PLXNB1: variants seen among roughly 807,000 people sequenced by gnomAD.
The protein encoded by PLXNB1 is plexin-B1.
A neutral mutation model predicts 209.4 loss-of-function variants in PLXNB1; 106 were observed. The ratio of observed to expected loss-of-function variants is 0.51; its 90% CI spans 0.43 to 0.59. The LOEUF (loss-of-function observed/expected upper bound fraction) is 0.59, where lower values mean the gene tolerates loss of function less well. Ranked by LOEUF, PLXNB1 falls within the 20% of genes least tolerant of loss-of-function variation. The probability of loss-of-function intolerance (pLI) is 0.00; values close to 1 mark genes in which losing one functional copy is unlikely to be tolerated. For synonymous variants in PLXNB1, 1,167 were observed against 1,183.2 expected (o/e 0.99, Z 0.28); for missense variants, 2,357 against 2,853.2 (o/e 0.83, Z 3.96).
Position 48,412,745 on chromosome 3 carries a change from G to C in PLXNB1, c.4851C>G (p.Thr1617=). ...SNLLNSKLFL[T]KFIHTLESQR... is the part of the protein sequence containing the mutation. ...AGGAAGATGCAGCTGGGGGTACCTTGGTGAGGAAGAGCTTGCTGTTGAGCA... is the reference window on the plus strand; with the variant it reads ...AGGAAGATGCAGCTGGGGGTACCTTCGTGAGGAAGAGCTTGCTGTTGAGCA... The change falls in exon 25 of 38, where the codon ACC becomes ACG. Residue 1617 remains threonine, a synonymous_variant. Coordinates refer to ENST00000296440, the MANE Select transcript of PLXNB1 (RefSeq NM_001130082.3). 6.2e-7 allele frequency: 1 copy of C among 1,611,992 alleles called. No homozygotes were observed. The highest frequency in any genetic ancestry group is 8.5e-7 in the Non-Finnish European group (1 of 1,178,862).
intron 21 of PLXNB1, 30 bp from the exon 22 acceptor site, chr3:48,414,101 C>CAGG: frequency 6.2e-7 from 1 of 1,609,136 alleles, no homozygotes; most frequent in Non-Finnish European, 8.5e-7. Context: ...ATCAGTCACT[C>CAGG]AGGACCCTTC....
At position 48,419,420 on chromosome 3, in the gene PLXNB1, C is replaced by T; in HGVS notation, c.2710-54G>A. 1.3e-6 allele frequency: 2 copies of T among 1,520,954 alleles called. No individual in the cohort carries two copies. Among genetic ancestry groups the T allele is most frequent in the Admixed American group, 4.2e-5 (2 of 47,572 alleles). The allele number at this position is 1,520,954 out of a possible 1,614,324, so 94.2% of individuals were successfully genotyped here. A position where few individuals can be genotyped will look rare whatever the true frequency, so the allele number is the denominator to read the frequency against. ...TGGAGCCCACCCTGCCCAGCTCAGC[C>T]CTCTGCCTTGCCAGATTCCAGAGGC... On this transcript the variant is annotated intron_variant, in intron 11 of 37. Transcript: ENST00000296440. This position sits in a 1 kb window ranked among gnomAD's most constrained non-coding sequence, Gnocchi z 5.7.
chr3:48,412,890 T>C lies in PLXNB1; in HGVS notation c.4706A>G (p.Lys1569Arg), dbSNP rs1315531880. ...LGSGIPFLDY[K>R]VYAERIFFPG... Reference sequence around the variant, plus strand: ...GAAGAAGATCCTCTCCGCATACACCTTGTAGTCGAGGAAGGGGATGCCGCT... The same window carrying C: ...GAAGAAGATCCTCTCCGCATACACCCTGTAGTCGAGGAAGGGGATGCCGCT... The change falls in exon 25 of 38, where the codon AAG becomes AGG. Residue 1569 changes from lysine to arginine, a missense_variant. This residue lies in a region of PLXNB1 where 743 missense variants were observed against 896.2 expected (regional missense o/e 0.83). Coordinates refer to ENST00000296440, the MANE Select transcript of PLXNB1 (RefSeq NM_001130082.3). The C allele has an allele frequency of 3.1e-6, 5 of 1,613,892 alleles. No individual in the cohort carries two copies. In the East Asian group the frequency reaches 1.1e-4, roughly 36 times the overall value.
At chr3:48,426,807 G>A (rs2038919223) in intron 1 of PLXNB1, among the ~76,000 whole-genome samples, 1 of 152,218 alleles carries the variant, frequency 6.6e-6, no homozygotes, top group Admixed American at 6.5e-5. Context: ...AGCAGGGAAA[G>A]TCTCGAACCC....
At position 48,407,042 on chromosome 3, in the gene PLXNB1, T is replaced by A. The variant is rs2037357680; in HGVS notation, c.6137A>T (p.Lys2046Met). The part of the protein sequence containing the change: ...LLYARDIPRY[K>M]RMVERYYADI... ...CCTCCAGTACCTTTCCACCATCCGC[T>A]TGTACCGGGGAATGTCCCGTGCATA... The change falls in exon 35 of 38, where the codon AAG becomes ATG. Residue 2046 changes from lysine to methionine, a missense_variant. Around this residue, in one of 7 missense-constraint regions of PLXNB1, gnomAD observed 414 missense variants for 520.5 expected, o/e 0.80. Transcript: ENST00000296440. The A allele has an allele frequency of 6.2e-7, 1 of 1,613,898 alleles. No individual in the cohort carries two copies.
At position 48,419,634 on chromosome 3, in the gene PLXNB1, G is replaced by C. The variant is rs746347488; in HGVS notation, c.2652C>G (p.Pro884=). The change falls in exon 11 of 38, where the codon CCC becomes CCG. Residue 884 remains proline, a synonymous_variant. Coordinates refer to ENST00000296440, the MANE Select transcript of PLXNB1 (RefSeq NM_001130082.3). The surrounding 1 kb of genome is among the most constrained non-coding windows in gnomAD (Gnocchi z 5.7). ...AGTCGAGGCTGGACGGGAGGATGAGGGGGGCGGGAGGGCCCTCAAGCTCTG... is the reference window on the plus strand; with the variant it reads ...AGTCGAGGCTGGACGGGAGGATGAGCGGGGCGGGAGGGCCCTCAAGCTCTG... ...DSAELEGPPA[P]LILPSSLDYQ... 11 of 1,612,522 alleles carry C rather than the reference G, an allele frequency of 6.8e-6. No homozygotes were observed. The Middle Eastern group carries it at 9.9e-4, about 145-fold the overall frequency.
rs917724568 is a variant in PLXNB1 at position 48,408,568 on chromosome 3, C to T, written c.6087+761G>A. Among the ~76,000 whole-genome samples the T allele has an allele frequency of 2.6e-5, 4 of 152,166 alleles. No individual in the cohort carries two copies. In the East Asian group the frequency reaches 7.7e-4, roughly 29 times the overall value. Reference sequence around the variant, plus strand: ...TCCAACTACTCAGTCTCCTGTGCTTCCCAGCTCCCCTCCTCACACATCCCT... The same window carrying T: ...TCCAACTACTCAGTCTCCTGTGCTTTCCAGCTCCCCTCCTCACACATCCCT... On this transcript the variant is annotated intron_variant, in intron 34 of 37. Coordinates refer to ENST00000296440, the MANE Select transcript of PLXNB1 (RefSeq NM_001130082.3).
At chr3:48,420,517 G>A in intron 10 of PLXNB1, 148 bp downstream of exon 10, 1 of 687,998 alleles carries the variant, frequency 1.5e-6, no homozygotes, top group Non-Finnish European at 2.5e-6. Flanking sequence ...TGTATCGGCG[G>A]CTGTTCTCCA....
At position 48,415,269 on chromosome 3, in the gene PLXNB1, C is replaced by G. The variant is rs751530688; in HGVS notation, c.3873G>C (p.Ser1291=). The stretch of plus-strand genomic sequence containing the variant: ...GCCCCTGGCTGGGCTGCAGCATTCT[C>G]GAGACCACGGTCACCCGGATTCTTG... ...QTPRIRVTVV[S]RMLQPSQGLG... is the part of the protein sequence containing the mutation. The change falls in exon 20 of 38, where the codon TCG becomes TCC. Residue 1291 remains serine (S), a synonymous_variant. Transcript: ENST00000296440. The surrounding 1 kb of genome is among the most constrained non-coding windows in gnomAD (Gnocchi z 5.0). 1 of 1,613,590 alleles carries G rather than the reference C, an allele frequency of 6.2e-7. No individual in the cohort carries two copies. Among genetic ancestry groups the G allele is most frequent in the South Asian group, 1.1e-5 (1 of 91,078 alleles).
At chr3:48,414,253 C>T (rs2037914193) in intron 21 of PLXNB1, among the ~76,000 whole-genome samples, 182 bp from the exon 22 acceptor site, 1 of 152,204 alleles carries the variant, frequency 6.6e-6, no homozygotes, top group Non-Finnish European at 1.5e-5. Flanking sequence ...CCCTTTGTTG[C>T]CCTTTCCTAT....
In PLXNB1 at chr3:48,420,207, G is replaced by T; in HGVS notation, c.2079C>A (p.Ser693=). 1.3e-6 allele frequency: 2 copies of T among 1,558,002 alleles called. No homozygotes were observed. Among genetic ancestry groups the T allele is most frequent in the Non-Finnish European group, 1.7e-6 (2 of 1,150,750 alleles). Residue 693 remains serine (S), a synonymous_variant, in exon 11 of 38, where the codon TCC becomes TCA. Coordinates refer to ENST00000296440, the MANE Select transcript of PLXNB1 (RefSeq NM_001130082.3). The part of the protein sequence containing the change: ...DPPARGGPSP[S]PPTAPKALAT... The stretch of plus-strand genomic sequence containing the variant: ...CCAGGGCTTTGGGGGCTGTGGGTGG[G>T]GAGGGGCTGGGTCCACCTCTTGCAG...
Position 48,406,924 on chromosome 3 carries a change from C to G in PLXNB1, c.6153-26G>C, listed in dbSNP as rs763503522. The G allele has an allele frequency of 1.2e-6, 2 of 1,612,040 alleles. No individual in the cohort carries two copies. The highest frequency in any genetic ancestry group is 1.7e-6 in the Non-Finnish European group (2 of 1,178,394). On this transcript the variant is annotated intron_variant, in intron 35 of 37. Transcript: ENST00000296440. The surrounding 1 kb of genome is among the most constrained non-coding windows in gnomAD (Gnocchi z 4.4). ...CTGCCAGAGAGCCAGGGCACAGCAG[C>G]TGCTGGGTAAACAAGCCCACTCCCC...
In PLXNB1 at chr3:48,418,367, G is replaced by T. The variant is rs1190317063; in HGVS notation, c.3050-4C>A. 1 of 1,613,662 alleles carries T rather than the reference G, an allele frequency of 6.2e-7. No homozygotes were observed. The highest frequency in any genetic ancestry group is 8.5e-7 in the Non-Finnish European group (1 of 1,180,016). ...ACGGAACAGTCATACAGTACCACTGGGGGTGGCAGAGACACACGTGAGAGG... is the reference window on the plus strand; with the variant it reads ...ACGGAACAGTCATACAGTACCACTGTGGGTGGCAGAGACACACGTGAGAGG... On this transcript the variant is annotated splice_polypyrimidine_tract_variant and splice_region_variant and intron_variant, in intron 14 of 37. Transcript: ENST00000296440. The surrounding 1 kb of genome is among the most constrained non-coding windows in gnomAD (Gnocchi z 6.6).
In PLXNB1 at chr3:48,409,595, G is replaced by A; in HGVS notation, c.5915C>T (p.Thr1972Ile). The A allele has an allele frequency of 6.2e-7, 1 of 1,614,036 alleles. No homozygotes were observed. Among genetic ancestry groups the A allele is most frequent in the Non-Finnish European group, 8.5e-7 (1 of 1,179,990 alleles). ...AQQHGISDQDTIHIWKTNSLP... is the reference protein window; with the variant it reads ...AQQHGISDQDIIHIWKTNSLP... ...CCTGTTGGTCTTCCAGATGTGGATG[G>A]TGTCCTGGTCGGAGATGCCATGCTG... The change falls in exon 33 of 38, where the codon ACC (threonine) becomes ATC (isoleucine). Residue 1972 changes from threonine (T) to isoleucine (I), a missense_variant. Thr to Ile is a moderately conservative substitution (Grantham distance 89). Coordinates refer to ENST00000296440, the MANE Select transcript of PLXNB1 (RefSeq NM_001130082.3). The surrounding 1 kb of genome is among the most constrained non-coding windows in gnomAD (Gnocchi z 5.8).
chr3:48,408,291 G>T (rs2037436878), intron 34 of PLXNB1, among the ~76,000 whole-genome samples: 1 of 152,168 alleles, frequency 6.6e-6, no homozygotes, highest in Admixed American at 6.5e-5. Flanking sequence ...TGGGATTCTA[G>T]GTGTGAGCCA....
Position 48,410,181 on chromosome 3 carries a change from T to C in PLXNB1, c.5606-104A>G. 1 of 1,466,060 alleles carries C rather than the reference T, an allele frequency of 6.8e-7. No homozygotes were observed. Among genetic ancestry groups the C allele is most frequent in the East Asian group, 2.3e-5 (1 of 43,154 alleles). 90.8% of individuals were successfully genotyped at this position (1,466,060 alleles called of 1,614,324 possible). ...GGGGTGGGGGCACCTGGTTGAGGGA[T>C]TTCCTGGGCCGAATGGAAATAGGCA... On this transcript the variant is annotated intron_variant, in intron 31 of 37. Coordinates refer to ENST00000296440, the MANE Select transcript of PLXNB1 (RefSeq NM_001130082.3). This position sits in a 1 kb window ranked among gnomAD's most constrained non-coding sequence, Gnocchi z 6.4.
intron 8 of PLXNB1, 112 bp from the exon 9 acceptor site, chr3:48,421,068 G>A (rs1360720865): frequency 1.6e-6 from 2 of 1,265,256 alleles, no homozygotes; most frequent in African/African-American, 1.5e-5. Context: ...AGGGAATACA[G>A]TCCAAGGGCA....
At chr3:48,414,766 CG>C (rs749235393) in intron 21 of PLXNB1, 32 bp downstream of exon 21, 1 of 1,603,264 alleles carries the variant, frequency 6.2e-7, no homozygotes, top group Non-Finnish European at 8.5e-7. Context: ...GGAAGGGTCT[CG>C]GGGCCCTGCC....
intron 21 of PLXNB1, 149 bp from the exon 22 acceptor site, chr3:48,414,220 G>C: frequency 1.5e-6 from 1 of 675,190 alleles, no homozygotes. Flanking sequence ...GTCACACGGT[G>C]TCCTCCAAGC....
Sources: allele counts gnomAD v4.1 joint callset (sites outside exome capture counted in the v4.1 genomes callset), GRCh38; gene constraint gnomAD v4.1.1; regional missense constraint gnomAD v4.1.1; non-coding constraint Gnocchi (gnomAD v3.1); transcripts MANE v1.5; gene names NCBI Gene and HGNC (gene_info 2026-07-23, HGNC 2026-07-21).